The following MTBP variants were observed in gnomAD, a reference collection of about 807,000 sequenced individuals.
MTBP encodes mdm2-binding protein.
Under a neutral mutation model 117.0 loss-of-function variants are expected in MTBP, and 101 were observed. That is an observed-to-expected ratio of 0.86 (90% CI 0.73 to 1.02). The LOEUF (loss-of-function observed/expected upper bound fraction) is 1.02. MTBP is among the 50% of genes least tolerant of loss of function. The probability of loss-of-function intolerance (pLI) is 0.00; values close to 1 mark genes in which losing one functional copy is unlikely to be tolerated. For synonymous variants in MTBP, 350 were observed against 351.5 expected, an observed-to-expected ratio of 1.00 and a Z score of 0.05; for missense variants, 970 against 1,030.9, an observed-to-expected ratio of 0.94 and a Z score of 0.81.
At chr8:120,448,085 C>T (rs1208562197) in intron 2 of MTBP, among the ~76,000 whole-genome samples, 1 of 152,050 alleles carries the variant, frequency 6.6e-6, no homozygotes, top group East Asian at 1.9e-4. Context: ...GCATGAGCCA[C>T]CACACCTGGC....
intron 4 of MTBP, chr8:120,452,936 C>T (rs1388928511): frequency 6.6e-6 from 1 of 151,620 alleles, no homozygotes; most frequent in Admixed American, 6.6e-5. Flanking sequence ...ACATAAGATG[C>T]CTTAAGTTTC....
intron 10 of MTBP, among the ~76,000 whole-genome samples, chr8:120,464,030 G>A (rs1169234169): frequency 6.6e-6 from 1 of 151,952 alleles, no homozygotes; most frequent in Non-Finnish European, 1.5e-5. Context: ...TTGCTTTAAA[G>A]TTTTAAAATT....
At chr8:120,462,607 T>C (rs1813604372) in intron 9 of MTBP, among the ~76,000 whole-genome samples, 1 of 152,206 alleles carries the variant, frequency 6.6e-6, no homozygotes, top group Admixed American at 6.5e-5. Context: ...TAGACGTTAC[T>C]TTCAGATATA....
At position 120,451,202 on chromosome 8, in the gene MTBP, T is replaced by C; in HGVS notation, c.305T>C (p.Phe102Ser). The stretch of plus-strand genomic sequence containing the variant: ...AGTTCTGATTGGCAAGAGATACATT[T>C]TGATACAGAAAAAGATAAAATTGAA... ...FCSSDWQEIH[F>S]DTEKDKIEDV... is the part of the protein sequence containing the mutation. The change falls in exon 4 of 22, where the codon TTT becomes TCT. Residue 102 changes from phenylalanine (F) to serine (S), a missense_variant. By Grantham distance (155) the Phe-to-Ser change is radical. Transcript: ENST00000305949. 1 of 1,609,606 alleles carries C rather than the reference T, an allele frequency of 6.2e-7. No individual in the cohort carries two copies. Among genetic ancestry groups the C allele is most frequent in the Non-Finnish European group, 8.5e-7 (1 of 1,176,650 alleles).
At chr8:120,456,796 T>C in intron 7 of MTBP, 126 bp downstream of exon 7, 1 of 655,354 alleles carries the variant, frequency 1.5e-6, no homozygotes, top group South Asian at 1.8e-5. Context: ...AGTAGAACTT[T>C]CTGCAATAAT....
chr8:120,495,057 C>CT lies in MTBP; in HGVS notation c.1448-2331dup, dbSNP rs547521920. On this transcript the variant is annotated intron_variant, in intron 13 of 21. Transcript: ENST00000305949. ...TCCTCTTTTCTTCTTTCAGAATGTTCTTTTTCCTAGACCCCTTATTCTCCT... is the reference window on the plus strand; with the variant it reads ...TCCTCTTTTCTTCTTTCAGAATGTTCTTTTTTCCTAGACCCCTTATTCTCCT... 7.9e-5 allele frequency among the ~76,000 whole-genome samples: 12 copies of CT among 152,002 alleles called. No individual in the cohort carries two copies. The South Asian group carries it at 2.5e-3, about 32-fold the overall frequency.
At position 120,517,994 on chromosome 8, in the gene MTBP, G is replaced by C. The variant is rs1046233759; in HGVS notation, c.2390G>C (p.Cys797Ser). Residue 797 changes from cysteine (C) to serine (S), a missense_variant, in exon 19 of 22, where the codon TGT becomes TCT. Physicochemically the swap from Cys to Ser is moderately radical, Grantham distance 112 (BLOSUM62 -1). Transcript: ENST00000305949. ...TGTCCATTGGTTCCAATTCCTAGCTGTGAAACTCCAAAACTTGCTACAAAG... is the reference window on the plus strand; with the variant it reads ...TGTCCATTGGTTCCAATTCCTAGCTCTGAAACTCCAAAACTTGCTACAAAG... ...VTCPLVPIPS[C>S]ETPKLATKTS... The C allele has an allele frequency of 6.2e-7, 1 of 1,612,678 alleles. No individual in the cohort carries two copies. Among genetic ancestry groups the C allele is most frequent in the Non-Finnish European group, 8.5e-7 (1 of 1,179,162 alleles).
intron 16 of MTBP, among the ~76,000 whole-genome samples, chr8:120,509,602 C>G (rs575394942): frequency 6.6e-6 from 1 of 152,128 alleles, no homozygotes; most frequent in African/African-American, 2.4e-5. Flanking sequence ...ACTCCGTCCC[C>G]ACCGCCCCCC....
At chr8:120,496,908 T>C (rs1814477056) in intron 13 of MTBP, among the ~76,000 whole-genome samples, 1 of 152,188 alleles carries the variant, frequency 6.6e-6, no homozygotes, top group Non-Finnish European at 1.5e-5. Flanking sequence ...CTTTGCAGAC[T>C]CCGTTACCAC....
At chr8:120,520,127 AAC>A (rs1814989031) in intron 20 of MTBP, among the ~76,000 whole-genome samples, 3 of 152,154 alleles carry the variant, frequency 2.0e-5, no homozygotes, top group Admixed American at 2.0e-4. Context: ...GAAAGCTTCT[AAC>A]ACAATTGATG....
intron 18 of MTBP, among the ~76,000 whole-genome samples, chr8:120,516,550 C>G (rs1480027070): frequency 6.6e-6 from 1 of 151,960 alleles, no homozygotes; most frequent in East Asian, 1.9e-4. Context: ...CCTCAGTTTC[C>G]TGCCTGCATT....
In MTBP at chr8:120,517,845, A is replaced by G. The variant is rs1281582052; in HGVS notation, c.2247-6A>G. ...ACGTTCTTGATTTTTTTCCCCTGCTATATAGACTTGTGAAATCTGAAAGTT... is the reference window on the plus strand; with the variant it reads ...ACGTTCTTGATTTTTTTCCCCTGCTGTATAGACTTGTGAAATCTGAAAGTT... On this transcript the variant is annotated splice_polypyrimidine_tract_variant and splice_region_variant and intron_variant, in intron 18 of 21. Transcript: ENST00000305949. 4.4e-6 allele frequency: 7 copies of G among 1,608,786 alleles called. No individual in the cohort carries two copies. Among genetic ancestry groups the G allele is most frequent in the Middle Eastern group, 1.7e-4 (1 of 6,052 alleles).
intron 2 of MTBP, among the ~76,000 whole-genome samples, chr8:120,449,990 A>G (rs1180526907): frequency 6.6e-6 from 1 of 152,184 alleles, no homozygotes; most frequent in Non-Finnish European, 1.5e-5. Flanking sequence ...TCTTTGAGGA[A>G]GAGCTAAGAA....
intron 11 of MTBP, among the ~76,000 whole-genome samples, chr8:120,476,092 C>T (rs1307755509): frequency 6.6e-6 from 1 of 151,918 alleles, no homozygotes; most frequent in Non-Finnish European, 1.5e-5. Context: ...GAATTTCTAC[C>T]TAATTTTGAA....
chr8:120,445,999 C>A (rs1238131176), intron 1 of MTBP, among the ~76,000 whole-genome samples: 1 of 152,138 alleles, frequency 6.6e-6, no homozygotes, highest in African/African-American at 2.4e-5. Context: ...CACATATAAC[C>A]TAAGTTTTAA....
At chr8:120,470,319 T>TA (rs1813792184) in intron 10 of MTBP, among the ~76,000 whole-genome samples, 1 of 152,222 alleles carries the variant, frequency 6.6e-6, no homozygotes, top group Admixed American at 6.5e-5. Flanking sequence ...CCTCAGTTTT[T>TA]ACCTATTAGC....
At chr8:120,464,587 A>T (rs1317764826) in intron 10 of MTBP, among the ~76,000 whole-genome samples, 2 of 152,050 alleles carry the variant, frequency 1.3e-5, no homozygotes, top group African/African-American at 4.8e-5. Flanking sequence ...TAATTCCTAT[A>T]GAAAATCGAT....
intron 10 of MTBP, among the ~76,000 whole-genome samples, chr8:120,465,532 C>T (rs1281918206): frequency 6.6e-6 from 1 of 151,492 alleles, no homozygotes; most frequent in African/African-American, 2.4e-5. Flanking sequence ...GATGGACACA[C>T]ATATGTGAAG....
intron 7 of MTBP, among the ~76,000 whole-genome samples, chr8:120,456,993 T>C (rs533904268): frequency 8.5e-5 from 13 of 152,204 alleles, no homozygotes; most frequent in Non-Finnish European, 1.8e-4. Flanking sequence ...TTTTAAAATA[T>C]AGAATTTTTA....
Sources: allele counts gnomAD v4.1 joint callset (sites outside exome capture counted in the v4.1 genomes callset), GRCh38; gene constraint gnomAD v4.1.1; transcripts MANE v1.5; gene names NCBI Gene and HGNC (gene_info 2026-07-23, HGNC 2026-07-21).